MMP26: variants seen among roughly 807,000 people sequenced by gnomAD.
MMP26 encodes the protein matrix metalloproteinase-26.
A neutral mutation model predicts 31.0 loss-of-function variants in MMP26; 33 were observed. That is an observed-to-expected ratio of 1.06 (90% CI 0.81 to 1.42). The LOEUF is 1.42. Among genes scored for constraint, MMP26 ranks in the 40% most tolerant of loss-of-function variants. MMP26 has a pLI of 0.00. For missense variants in MMP26, 347 were observed against 316.1 expected, an observed-to-expected ratio of 1.10 and a Z score of -0.74; for synonymous variants, 122 against 114.9, an observed-to-expected ratio of 1.06 and a Z score of -0.40.
intron 2 of MMP26, among the ~76,000 whole-genome samples, chr11:4,884,925 G>T (rs1850528445): frequency 6.6e-6 from 1 of 152,006 alleles, no homozygotes; most frequent in Non-Finnish European, 1.5e-5. Context: ...GAGATATATG[G>T]CTCTTTAAAG....
intron 2 of MMP26, among the ~76,000 whole-genome samples, chr11:4,816,801 T>G (rs894061461): frequency 3.4e-5 from 5 of 149,170 alleles, no homozygotes; most frequent in African/African-American, 1.2e-4. Flanking sequence ...CCTCATGGGT[T>G]CACGCCGTTC....
rs554039078 is a variant in MMP26, at chr11:4,838,367, A to C, written c.-145+71026A>C. 2.0e-4 allele frequency among the ~76,000 whole-genome samples: 28 copies of C among 141,596 alleles called. 1 individual carries two copies. The highest frequency in any genetic ancestry group is 7.2e-4 in the African/African-American group (28 of 38,758). 92.9% of individuals were successfully genotyped at this position (141,596 alleles called of 152,430 possible). On this transcript the variant is annotated intron_variant, in intron 2 of 7. Coordinates refer to ENST00000380390, the MANE Select transcript of MMP26 (RefSeq NM_021801.5). ...AAAAAAAAAAAAAAAGTATGATATG[A>C]ATTGCTGTAATTTTTTGAGAAAAGA...
At chr11:4,817,117 G>A (rs942935747) in intron 2 of MMP26, among the ~76,000 whole-genome samples, 18 of 151,722 alleles carry the variant, frequency 1.2e-4, no homozygotes, top group African/African-American at 3.6e-4. Context: ...TTTGAAGTTC[G>A]AATAACCTAA....
intron 2 of MMP26, chr11:4,804,038 A>G: frequency 7.4e-6 from 12 of 1,613,868 alleles, no homozygotes; most frequent in Non-Finnish European, 1.0e-5. Flanking sequence ...AGCACCCCAG[A>G]CTCCACAGAA....
chr11:4,769,655 C>A, intron 2 of MMP26: 1 of 1,613,048 alleles, frequency 6.2e-7, no homozygotes, highest in Non-Finnish European at 8.5e-7. Context: ...TGCCTCAAAC[C>A]AGAGGATACC....
chr11:4,817,882 G>A (rs1338212298), intron 2 of MMP26, among the ~76,000 whole-genome samples: 1 of 152,130 alleles, frequency 6.6e-6, no homozygotes, highest in African/African-American at 2.4e-5. Flanking sequence ...CTTGGCTGGA[G>A]AGTGAGTAGA....
chr11:4,855,678 C>T (rs1419497656), intron 2 of MMP26, among the ~76,000 whole-genome samples: 3 of 152,142 alleles, frequency 2.0e-5, no homozygotes, highest in East Asian at 3.9e-4. Context: ...ACTTCCCCAA[C>T]CTAGCAAGGC....
intron 2 of MMP26, among the ~76,000 whole-genome samples, chr11:4,886,493 T>G (rs1850547436): frequency 6.6e-6 from 1 of 152,064 alleles, no homozygotes; most frequent in African/African-American, 2.4e-5. Flanking sequence ...CCGGGTACAT[T>G]CTATTGTCAT....
At chr11:4,708,330 TCTTCTCAAATACCTA>T in intron 1 of MMP26, among the ~76,000 whole-genome samples, 1 of 152,328 alleles carries the variant, frequency 6.6e-6, no homozygotes, top group East Asian at 1.9e-4. Flanking sequence ...CATTTTTCCT[TCTTCTCAAATACCTA>T]GAGAAATGCC....
At position 4,821,531 on chromosome 11, in the gene MMP26, A is replaced by G. The variant is rs752840987; in HGVS notation, c.-145+54190A>G. The G allele has an allele frequency of 4.4e-5, 71 of 1,611,942 alleles. No individual in the cohort carries two copies. The highest frequency in any genetic ancestry group is 5.9e-5 in the Non-Finnish European group (70 of 1,179,230). On this transcript the variant is annotated intron_variant, in intron 2 of 7. Transcript: ENST00000380390. ...ATCTCCATCCCTTTTTGTCTCCTAT[A>G]TGTTGTTGCCGTCTCTGGAAATAGC...
intron 2 of MMP26, among the ~76,000 whole-genome samples, chr11:4,867,110 G>T (rs999351248): frequency 6.6e-6 from 1 of 152,072 alleles, no homozygotes; most frequent in Non-Finnish European, 1.5e-5. Context: ...AAGAGCTTCT[G>T]CACAGCAAAA....
intron 2 of MMP26, among the ~76,000 whole-genome samples, chr11:4,851,525 T>C (rs1015184962): frequency 5.9e-5 from 9 of 152,194 alleles, no homozygotes. Context: ...TGAAGGACTC[T>C]ATACACGTTT....
intron 1 of MMP26, among the ~76,000 whole-genome samples, chr11:4,757,379 T>A (rs1848517643): frequency 6.6e-6 from 1 of 151,798 alleles, no homozygotes; most frequent in Admixed American, 6.6e-5. Context: ...CAGAAACTTC[T>A]AGAAAAAAAA....
At chr11:4,842,338 A>G (rs571453224) in intron 2 of MMP26, among the ~76,000 whole-genome samples, 1 of 152,340 alleles carries the variant, frequency 6.6e-6, no homozygotes, top group African/African-American at 2.4e-5. Flanking sequence ...TTACATTGCT[A>G]TAAAGAATTA....
intron 1 of MMP26, among the ~76,000 whole-genome samples, chr11:4,706,800 C>G (rs1847786846): frequency 1.3e-5 from 2 of 152,060 alleles, no homozygotes; most frequent in Non-Finnish European, 2.9e-5. Context: ...GTTGCAATCA[C>G]CATTCTAGTT....
intron 2 of MMP26, chr11:4,830,125 A>G (rs7934332): frequency 0.19 from 29,501 of 152,152 alleles, 3,168 homozygotes; most frequent in Middle Eastern, 0.27. Context: ...GAGAGTATGA[A>G]GATATAAACA....
intron 2 of MMP26, among the ~76,000 whole-genome samples, chr11:4,901,783 A>C (rs1850806508): frequency 6.6e-6 from 1 of 152,130 alleles, no homozygotes; most frequent in South Asian, 2.1e-4. Flanking sequence ...CTGTGTTTTG[A>C]CAAGAATGCC....
intron 2 of MMP26, among the ~76,000 whole-genome samples, chr11:4,806,174 G>A (rs1417757792): frequency 2.6e-5 from 4 of 152,138 alleles, no homozygotes; most frequent in Non-Finnish European, 5.9e-5. Flanking sequence ...AGTGCGATGT[G>A]GTGCTGAGAA....
intron 1 of MMP26, chr11:4,723,492 C>G: frequency 1.8e-6 from 2 of 1,112,714 alleles, no homozygotes; most frequent in Non-Finnish European, 2.8e-6. Context: ...GCTCTGGGAT[C>G]TCCTCTTCAT....
Sources: gnomAD v4.1 joint callset for allele counts (sites outside exome capture counted in the v4.1 genomes callset) on GRCh38, gnomAD v4.1.1 for gene constraint, MANE v1.5 for transcripts, NCBI Gene and HGNC (gene_info 2026-07-23, HGNC 2026-07-21) for gene names.